The following MB21D2 variants were observed in gnomAD, a reference collection of about 807,000 sequenced individuals.
The protein encoded by MB21D2 is nucleotidyltransferase MB21D2.
Under a neutral mutation model 33.3 loss-of-function variants are expected in MB21D2, and 9 were observed. The observed-to-expected ratio is 0.27, with a 90% CI of 0.16 to 0.47. The LOEUF (loss-of-function observed/expected upper bound fraction) is 0.47. Ranked by LOEUF, MB21D2 falls within the 20% of genes least tolerant of loss-of-function variation. The pLI, the probability that MB21D2 is intolerant of heterozygous loss-of-function variation, is 0.99. For synonymous variants in MB21D2, 241 were observed against 236.3 expected, an observed-to-expected ratio of 1.02 and a Z score of -0.18; for missense variants, 540 against 624.6, an observed-to-expected ratio of 0.86 and a Z score of 1.44.
At chr3:192,895,995 A>C (rs1423244503) in intron 1 of MB21D2, among the ~76,000 whole-genome samples, 1 of 152,166 alleles carries the variant, frequency 6.6e-6, no homozygotes, top group African/African-American at 2.4e-5. Flanking sequence ...CAACATACTA[A>C]TTCTACTTAA....
chr3:192,823,892 T>C (rs975661886), intron 1 of MB21D2, among the ~76,000 whole-genome samples: 41 of 152,256 alleles, frequency 2.7e-4, no homozygotes, highest in African/African-American at 9.4e-4. Flanking sequence ...TGCCAAAACA[T>C]AGCAGAAATA....
At chr3:192,851,406 TAAAA>T (rs1712800384) in intron 1 of MB21D2, among the ~76,000 whole-genome samples, 1 of 151,004 alleles carries the variant, frequency 6.6e-6, no homozygotes, top group South Asian at 2.1e-4. Flanking sequence ...CTGGGGGCAA[TAAAA>T]ATATTCCAAA....
chr3:192,856,063 T>C (rs1281783439), intron 1 of MB21D2, among the ~76,000 whole-genome samples: 1 of 151,990 alleles, frequency 6.6e-6, no homozygotes, highest in Non-Finnish European at 1.5e-5. Flanking sequence ...TCTCAAAAAG[T>C]AAATAAAAAC....
At chr3:192,826,165 T>C (rs1236514200) in intron 1 of MB21D2, among the ~76,000 whole-genome samples, 1 of 152,314 alleles carries the variant, frequency 6.6e-6, no homozygotes, top group African/African-American at 2.4e-5. Flanking sequence ...CTATGTGCTT[T>C]TTTCTCCCCA....
chr3:192,885,250 T>C (rs1048670524), intron 1 of MB21D2, among the ~76,000 whole-genome samples: 4 of 152,122 alleles, frequency 2.6e-5, no homozygotes, highest in Non-Finnish European at 4.4e-5. Flanking sequence ...TTGCACATTA[T>C]TTAAACTCTT....
At chr3:192,899,136 G>A (rs1246797930) in intron 1 of MB21D2, among the ~76,000 whole-genome samples, 1 of 152,226 alleles carries the variant, frequency 6.6e-6, no homozygotes, top group Non-Finnish European at 1.5e-5. Flanking sequence ...CTCATAGCAG[G>A]CATACAAGAA....
At chr3:192,830,761 C>T (rs531134136) in intron 1 of MB21D2, among the ~76,000 whole-genome samples, 7 of 152,220 alleles carry the variant, frequency 4.6e-5, no homozygotes, top group Non-Finnish European at 8.8e-5. Context: ...CATCTGCTCG[C>T]TAGCATGAAG....
chr3:192,798,544 G>C lies in MB21D2; in HGVS notation c.1318C>G (p.Pro440Ala), dbSNP rs541227594. 1.2e-6 allele frequency: 2 copies of C among 1,614,222 alleles called. No individual in the cohort carries two copies. Among genetic ancestry groups the C allele is most frequent in the Non-Finnish European group, 1.7e-6 (2 of 1,180,042 alleles). ...TTGGGGTCCCCTCCGTCAGACTGTG[G>C]AGAGGGGATGCTGGTGGTGCTACCT... is the stretch of plus-strand genomic sequence containing the variant. ...RRGSTTSIPS[P>A]QSDGGDPNQP... Residue 440 changes from proline (P) to alanine (A), a missense_variant, in exon 2 of 2, where the codon CCA becomes GCA. Transcript: ENST00000392452. The surrounding 1 kb of genome is among the most constrained non-coding windows in gnomAD (Gnocchi z 4.8).
At position 192,828,583 on chromosome 3, in the gene MB21D2, AC is replaced by A. The variant is rs5855456; in HGVS notation, c.212-28934del. On this transcript the variant is annotated intron_variant, in intron 1 of 1. Transcript: ENST00000392452. Reference sequence around the variant, plus strand: ...GTATACTTTATATACAATAAAACTCACCCCCCCCATATATATATATATATAT... The same window carrying A: ...GTATACTTTATATACAATAAAACTCACCCCCCCATATATATATATATATAT... Among the ~76,000 whole-genome samples, 35 of 35,872 alleles carry A rather than the reference AC, an allele frequency of 9.8e-4. 1 individual carries two copies. Among genetic ancestry groups the A allele is most frequent in the East Asian group, 4.0e-3 (2 of 494 alleles). 23.5% of individuals were successfully genotyped at this position (35,872 alleles called of 152,430 possible). A position where few individuals can be genotyped will look rare whatever the true frequency, so the allele number is the denominator to read the frequency against.
chr3:192,879,601 C>T (rs919691411), intron 1 of MB21D2, among the ~76,000 whole-genome samples: 1 of 152,138 alleles, frequency 6.6e-6, no homozygotes, highest in Admixed American at 6.5e-5. Context: ...ACAGAAGACA[C>T]CATTAAGTGG....
At chr3:192,837,681 G>C (rs1169268205) in intron 1 of MB21D2, among the ~76,000 whole-genome samples, 1 of 152,162 alleles carries the variant, frequency 6.6e-6, no homozygotes, top group African/African-American at 2.4e-5. Context: ...AAAAGGTTTT[G>C]CAAAAAATAT....
chr3:192,828,870 C>G (rs1470185094), intron 1 of MB21D2, among the ~76,000 whole-genome samples: 3 of 150,968 alleles, frequency 2.0e-5, no homozygotes, highest in Non-Finnish European at 4.4e-5. Context: ...AGGATGATCT[C>G]AATCTCCTGA....
intron 1 of MB21D2, among the ~76,000 whole-genome samples, chr3:192,899,837 C>T (rs1331099447): frequency 6.6e-6 from 1 of 152,202 alleles, no homozygotes; most frequent in Non-Finnish European, 1.5e-5. Flanking sequence ...GGTAGTGTGG[C>T]TGACTGAGAA....
chr3:192,901,601 T>C lies in MB21D2; in HGVS notation c.211+16029A>G, dbSNP rs899861025. ...ATATGCTTCAATGCTTTAAAACAAG[T>C]CAAGGTACAAACATATGCCCTCGGA... is the stretch of plus-strand genomic sequence containing the variant. On this transcript the variant is annotated intron_variant, in intron 1 of 1. Transcript: ENST00000392452. Among the ~76,000 whole-genome samples, 4 of 152,016 alleles carry C rather than the reference T, an allele frequency of 2.6e-5. 1 individual carries two copies. Among genetic ancestry groups the C allele is most frequent in the Non-Finnish European group, 5.9e-5 (4 of 68,016 alleles).
chr3:192,873,913 G>A (rs6784954), intron 1 of MB21D2, among the ~76,000 whole-genome samples: 93,040 of 152,062 alleles, frequency 0.61, 30,352 homozygotes, highest in African/African-American at 0.84. Context: ...TTCACCAGGC[G>A]AGTCTCGAAC....
intron 1 of MB21D2, among the ~76,000 whole-genome samples, chr3:192,876,590 G>C (rs1444329367): frequency 6.6e-6 from 1 of 152,182 alleles, no homozygotes; most frequent in Non-Finnish European, 1.5e-5. Flanking sequence ...CGCTGCAATA[G>C]ATGTTGCCCT....
Position 192,917,850 on chromosome 3 carries a change from G to A in MB21D2, c.-10C>T. On this transcript the variant is annotated 5_prime_UTR_variant, in exon 1 of 2. Transcript: ENST00000392452. ...GAGCCGCCATCTTCATGCAAAACGC[G>A]CCGAGTAGCAGCTCCGCGGCAGCGC... The A allele has an allele frequency of 6.2e-7, 1 of 1,605,356 alleles. No individual in the cohort carries two copies. The highest frequency in any genetic ancestry group is 1.7e-5 in the Admixed American group (1 of 59,788).
At chr3:192,911,520 T>C (rs1183868891) in intron 1 of MB21D2, among the ~76,000 whole-genome samples, 1 of 152,156 alleles carries the variant, frequency 6.6e-6, no homozygotes, top group Non-Finnish European at 1.5e-5. Flanking sequence ...GGACAGGATG[T>C]TGACATGCTG....
At chr3:192,819,850 T>A (rs1006535613) in intron 1 of MB21D2, among the ~76,000 whole-genome samples, 40 of 152,314 alleles carry the variant, frequency 2.6e-4, no homozygotes, top group African/African-American at 8.9e-4. Context: ...CTGACATCCA[T>A]CTGTGAAAGT....
Sources: allele counts gnomAD v4.1 joint callset (sites outside exome capture counted in the v4.1 genomes callset), GRCh38; gene constraint gnomAD v4.1.1; non-coding constraint Gnocchi (gnomAD v3.1); transcripts MANE v1.5; gene names NCBI Gene and HGNC (gene_info 2026-07-23, HGNC 2026-07-21).